HERC2: variants seen among roughly 807,000 people sequenced by gnomAD.
HERC2 encodes the protein HECT and RLD domain containing E3 ubiquitin protein ligase 2, also known as E3 ubiquitin-protein ligase HERC2.
HERC2 carries 102 observed loss-of-function variants against 537.7 expected under a neutral mutation model. That is an observed-to-expected ratio of 0.19 (90% CI 0.16 to 0.22). The LOEUF is 0.22. HERC2 is among the 10% of genes least tolerant of loss of function. HERC2 has a pLI of 1.00. For synonymous variants in HERC2, 2,224 were observed against 2,466.2 expected (o/e 0.90, Z 2.91); for missense variants, 4,236 against 6,198.2 (o/e 0.68, Z 10.63).
At chr15:28,251,617 A>G (rs2075085893) in intron 20 of HERC2, among the ~76,000 whole-genome samples, 1 of 152,144 alleles carries the variant, frequency 6.6e-6, no homozygotes, top group African/African-American at 2.4e-5. Flanking sequence ...CCTGGCCAAC[A>G]TGGTGAAACC....
At chr15:28,115,361 G>T in intron 89 of HERC2, 68 bp downstream of exon 89, 1 of 1,046,454 alleles carries the variant, frequency 9.6e-7, no homozygotes. Flanking sequence ...AGCCTGACCG[G>T]ACCCGCAGAA....
At chr15:28,188,130 C>T (rs866236010) in intron 55 of HERC2, among the ~76,000 whole-genome samples, 1 of 151,238 alleles carries the variant, frequency 6.6e-6, no homozygotes, top group African/African-American at 2.4e-5. Flanking sequence ...AGAAAAAAAA[C>T]CAAGAGTGAC....
At chr15:28,170,969 T>A (rs1894637136) in intron 65 of HERC2, among the ~76,000 whole-genome samples, 1 of 152,200 alleles carries the variant, frequency 6.6e-6, no homozygotes, top group South Asian at 2.1e-4. Flanking sequence ...TATGGCTACA[T>A]TTTAAAAAGA....
chr15:28,235,677 T>A (rs1165757354), intron 26 of HERC2, among the ~76,000 whole-genome samples: 1 of 152,154 alleles, frequency 6.6e-6, no homozygotes, highest in Non-Finnish European at 1.5e-5. Flanking sequence ...GCCTTTCTTC[T>A]CCCAAAACCA....
At chr15:28,311,844 G>A (rs1219730395) in intron 2 of HERC2, among the ~76,000 whole-genome samples, 3 of 152,068 alleles carry the variant, frequency 2.0e-5, no homozygotes, top group Admixed American at 6.6e-5. Context: ...AGCCTAGATT[G>A]AGAAACATTA....
chr15:28,113,080 G>A lies in HERC2; in HGVS notation c.14223C>T (p.Phe4741=), dbSNP rs527308646. 29 of 1,613,120 alleles carry A rather than the reference G, an allele frequency of 1.8e-5. No individual in the cohort carries two copies. The highest frequency in any genetic ancestry group is 3.3e-4 in the Middle Eastern group (2 of 6,060). ...CCAGCCAGGAGCCTACCTGGATGAC[G>A]AAGTCTCGGCCCCGGAAGTCGGCGA... ...RTIADFRGRD[F]VIQVLDKYNP... Residue 4741 remains phenylalanine (F), a synonymous_variant, in exon 92 of 93, where the codon TTC becomes TTT. Coordinates refer to ENST00000261609, the MANE Select transcript of HERC2 (RefSeq NM_004667.6). The surrounding 1 kb of genome is among the most constrained non-coding windows in gnomAD (Gnocchi z 7.0).
chr15:28,171,815 C>T (rs1358917513), intron 65 of HERC2, among the ~76,000 whole-genome samples: 1 of 152,138 alleles, frequency 6.6e-6, no homozygotes, highest in African/African-American at 2.4e-5. Context: ...TGACTCACGC[C>T]TGTAATCCCA....
chr15:28,299,587 G>A, intron 2 of HERC2, 71 bp from the exon 3 acceptor site: 22 of 776,154 alleles, frequency 2.8e-5, no homozygotes, highest in South Asian at 6.4e-5. Flanking sequence ...GAATGATATG[G>A]GAAAAAAATC....
At position 28,280,111 on chromosome 15, in the gene HERC2, A is replaced by G; in HGVS notation, c.499T>C (p.Trp167Arg). ...GGCAGAGAAATACCGCTGCTTTTCCACTTAACTTTGACATTCTCCTGAAAA... is the reference window on the plus strand; with the variant it reads ...GGCAGAGAAATACCGCTGCTTTTCCGCTTAACTTTGACATTCTCCTGAAAA... ...TVFQENVKVK[W>R]KSSGISLPPV... The change falls in exon 5 of 93, where the codon TGG becomes CGG. Residue 167 changes from tryptophan (W) to arginine (R), a missense_variant. Coordinates refer to ENST00000261609, the MANE Select transcript of HERC2 (RefSeq NM_004667.6). The G allele has an allele frequency of 1.2e-6, 2 of 1,614,070 alleles. No individual in the cohort carries two copies. The highest frequency in any genetic ancestry group is 8.5e-7 in the Non-Finnish European group (1 of 1,180,014).
intron 2 of HERC2, among the ~76,000 whole-genome samples, chr15:28,311,308 T>A (rs565373909): frequency 1.3e-5 from 2 of 151,856 alleles, no homozygotes; most frequent in Non-Finnish European, 1.5e-5. Flanking sequence ...CTACAAAAAA[T>A]ACAAAAATTA....
chr15:28,291,467 A>G (rs1325789935), intron 4 of HERC2, among the ~76,000 whole-genome samples: 2 of 152,140 alleles, frequency 1.3e-5, no homozygotes, highest in Non-Finnish European at 2.9e-5. Context: ...ATCCACACCG[A>G]AGGGATAATA....
chr15:28,317,219 T>C (rs2077111961), intron 2 of HERC2, among the ~76,000 whole-genome samples: 1 of 152,134 alleles, frequency 6.6e-6, no homozygotes, highest in African/African-American at 2.4e-5. Context: ...ACCTCCCAAG[T>C]AGCTGGGATT....
intron 5 of HERC2, among the ~76,000 whole-genome samples, chr15:28,275,484 G>T (rs1309261320): frequency 6.6e-6 from 1 of 152,202 alleles, no homozygotes; most frequent in Non-Finnish European, 1.5e-5. Context: ...CCCACCCTAT[G>T]GGGCATTGCC....
At chr15:28,233,848 C>T in intron 27 of HERC2, 52 bp from the exon 28 acceptor site, 1 of 1,597,820 alleles carries the variant, frequency 6.3e-7, no homozygotes, top group Non-Finnish European at 8.6e-7. Context: ...TGAGTCTTCA[C>T]AAATCTTAAA....
intron 24 of HERC2, 25 bp downstream of exon 24, chr15:28,238,577 C>T: frequency 6.3e-7 from 1 of 1,592,040 alleles, no homozygotes; most frequent in Non-Finnish European, 8.6e-7. Flanking sequence ...AACTTTTAAC[C>T]AGGAAATAAC....
intron 5 of HERC2, among the ~76,000 whole-genome samples, chr15:28,278,305 C>G (rs1040675635): frequency 1.3e-5 from 2 of 152,006 alleles, no homozygotes; most frequent in Non-Finnish European, 2.9e-5. Flanking sequence ...ATCACTTGAG[C>G]CCAGGAGGTC....
At chr15:28,149,467 G>T (rs555746295) in intron 70 of HERC2, among the ~76,000 whole-genome samples, 1 of 146,038 alleles carries the variant, frequency 6.8e-6, no homozygotes, top group African/African-American at 2.5e-5. Flanking sequence ...GAACGTCACC[G>T]AGAACGGCCA....
intron 71 of HERC2, among the ~76,000 whole-genome samples, chr15:28,145,677 G>A (rs1170599497): frequency 6.6e-6 from 1 of 152,158 alleles, no homozygotes; most frequent in Non-Finnish European, 1.5e-5. Flanking sequence ...GGAAACACTC[G>A]AGATGAAGGA....
At chr15:28,262,213 A>G (rs923267220) in intron 15 of HERC2, among the ~76,000 whole-genome samples, 1 of 152,178 alleles carries the variant, frequency 6.6e-6, no homozygotes, top group African/African-American at 2.4e-5. Context: ...GGTGGTACGG[A>G]AAAGTCCTGT....
Sources: gnomAD v4.1 joint callset for allele counts (sites outside exome capture counted in the v4.1 genomes callset) on GRCh38, gnomAD v4.1.1 for gene constraint, Gnocchi (gnomAD v3.1) non-coding constraint, MANE v1.5 for transcripts, NCBI Gene and HGNC (gene_info 2026-07-23, HGNC 2026-07-21) for gene names.